The following TRIP13 variants were observed in gnomAD, a reference collection of about 807,000 sequenced individuals.
TRIP13 encodes pachytene checkpoint protein 2 homolog.
Under a neutral mutation model 54.4 loss-of-function variants are expected in TRIP13, and 25 were observed. That is an observed-to-expected ratio of 0.46 (90% CI 0.33 to 0.64). The LOEUF (loss-of-function observed/expected upper bound fraction) is 0.64, where lower values mean the gene tolerates loss of function less well. Ranked by LOEUF, TRIP13 falls within the 30% of genes least tolerant of loss-of-function variation. TRIP13 has a pLI of 0.02. For synonymous variants in TRIP13, 207 were observed against 207.8 expected, an observed-to-expected ratio of 1.00 and a Z score of 0.03; for missense variants, 373 against 534.2, an observed-to-expected ratio of 0.70 and a Z score of 2.97.
chr5:901,294 T>C, intron 4 of TRIP13, 47 bp from the exon 5 acceptor site: 1 of 1,584,876 alleles, frequency 6.3e-7, no homozygotes, highest in Non-Finnish European at 8.6e-7. Context: ...TTGGGGACCT[T>C]TGCCTTGTTG....
At position 907,056 on chromosome 5, in the gene TRIP13, G is replaced by T; in HGVS notation, c.609-74G>T. 1 of 1,275,514 alleles carries T rather than the reference G, an allele frequency of 7.8e-7. No individual in the cohort carries two copies. The highest frequency in any genetic ancestry group is 1.7e-5 in the Admixed American group (1 of 57,740). 79.0% of individuals were successfully genotyped at this position (1,275,514 alleles called of 1,614,324 possible). ...TGGGCACTTGAGATGTTGCATTCAG[G>T]ACGCGTGAATGGCTGCCGCTGAGGA... On this transcript the variant is annotated intron_variant, in intron 6 of 12. Coordinates refer to ENST00000166345, the MANE Select transcript of TRIP13 (RefSeq NM_004237.4). The surrounding 1 kb of genome is among the most constrained non-coding windows in gnomAD (Gnocchi z 4.1).
Position 913,599 on chromosome 5 carries a change from G to A in TRIP13, c.1021-866G>A, listed in dbSNP as rs1359359988. Among the ~76,000 whole-genome samples, 3 of 152,072 alleles carry A rather than the reference G, an allele frequency of 2.0e-5. No individual in the cohort carries two copies. The highest frequency in any genetic ancestry group is 4.8e-5 in the African/African-American group (2 of 41,408). On this transcript the variant is annotated intron_variant, in intron 10 of 12. Coordinates refer to ENST00000166345, the MANE Select transcript of TRIP13 (RefSeq NM_004237.4). This position sits in a 1 kb window ranked among gnomAD's most constrained non-coding sequence, Gnocchi z 4.5. ...TCAAACTCCTGACCTCAAGTGATCC[G>A]CCCACCTCAGCCTTCCAAAGTGCTG...
Position 917,237 on chromosome 5 carries a change from C to T in TRIP13, c.*134C>T. On this transcript the variant is annotated 3_prime_UTR_variant, in exon 13 of 13. Transcript: ENST00000166345. ...ACTTAGACTGCAAGCTAGAAAGCCA[C>T]CAAGGCCAGGCTTTGTTAAAAGAAG... is the stretch of plus-strand genomic sequence containing the variant. The T allele has an allele frequency of 4.1e-6, 3 of 734,444 alleles. No individual in the cohort carries two copies. The highest frequency in any genetic ancestry group is 6.6e-6 in the Non-Finnish European group (3 of 455,014). 45.5% of individuals were successfully genotyped at this position (734,444 alleles called of 1,614,324 possible).
chr5:915,771 C>T lies in TRIP13; in HGVS notation c.1134-133C>T, dbSNP rs111529489. On this transcript the variant is annotated intron_variant, in intron 11 of 12. Transcript: ENST00000166345. The surrounding 1 kb of genome is among the most constrained non-coding windows in gnomAD (Gnocchi z 4.2). ...GGAGACCAGTGAGGGGCAGGAAGTG[C>T]CCTGTGAACCCAGGGTGTGCTTGGG... 1.1e-5 allele frequency: 9 copies of T among 855,492 alleles called. No homozygotes were observed. Among genetic ancestry groups the T allele is most frequent in the African/African-American group, 6.6e-5 (4 of 60,748 alleles). The allele number at this position is 855,492 out of a possible 1,614,324, so 53.0% of individuals were successfully genotyped here. A position where few individuals can be genotyped will look rare whatever the true frequency, so the allele number is the denominator to read the frequency against.
chr5:904,069 A>G, intron 5 of TRIP13, 79 bp from the exon 6 acceptor site: 7 of 1,284,296 alleles, frequency 5.5e-6, no homozygotes, highest in Non-Finnish European at 7.7e-6. Context: ...TATTTTATGG[A>G]TAATGGAAGT....
rs767056773 is a variant in TRIP13, at chr5:917,086, C to T, written c.1282C>T (p.Leu428Phe). 6.2e-7 allele frequency: 1 copy of T among 1,614,080 alleles called. No homozygotes were observed. The highest frequency in any genetic ancestry group is 1.7e-5 in the Admixed American group (1 of 60,026). ...CAAGCAGTTTGAAGAGAGAAAGAAG[C>T]TTGCAGCTTACATCTGATCCTGGGC... ...VDKQFEERKK[L>F]AAYI is the part of the protein sequence containing the mutation. Residue 428 changes from leucine to phenylalanine, a missense_variant, in exon 13 of 13, where the codon CTT becomes TTT. Around this residue, in one of 4 missense-constraint regions of TRIP13, gnomAD observed 101 missense variants for 138.5 expected, o/e 0.73. Transcript: ENST00000166345.
chr5:896,655 C>T lies in TRIP13; in HGVS notation c.259-10C>T, dbSNP rs780223649. The T allele has an allele frequency of 3.8e-6, 6 of 1,598,618 alleles. No individual in the cohort carries two copies. Among genetic ancestry groups the T allele is most frequent in the Admixed American group, 3.4e-5 (2 of 58,730 alleles). ...AATGTGTGTCGATATTGGCTTTTCC[C>T]TCATTTTAGCCCATCGATTTGAGTG... On this transcript the variant is annotated splice_polypyrimidine_tract_variant and intron_variant, in intron 2 of 12. Coordinates refer to ENST00000166345, the MANE Select transcript of TRIP13 (RefSeq NM_004237.4).
Position 911,739 on chromosome 5 carries a change from CCTG to C in TRIP13, c.867-100_867-98del. The C allele has an allele frequency of 7.0e-7, 1 of 1,423,018 alleles. No individual in the cohort carries two copies. Among genetic ancestry groups the C allele is most frequent in the Non-Finnish European group, 9.4e-7 (1 of 1,068,230 alleles). The allele number at this position is 1,423,018 out of a possible 1,614,324, so 88.1% of individuals were successfully genotyped here. On this transcript the variant is annotated intron_variant, in intron 9 of 12. Transcript: ENST00000166345. The surrounding 1 kb of genome is among the most constrained non-coding windows in gnomAD (Gnocchi z 4.7). ...AGGCCACTTTCCTTCCTGTTGGCAG[CCTG>C]CTGGCCATCGTCCTGCCAACCTCCT...
intron 1 of TRIP13, 144 bp downstream of exon 1, chr5:893,234 A>T: frequency 1.2e-6 from 1 of 832,212 alleles, no homozygotes; most frequent in Non-Finnish European, 1.8e-6. Context: ...CCGGGCGCAC[A>T]GGCCGCCGGG....
Position 913,245 on chromosome 5 carries a change from AGT to A in TRIP13, c.1021-1216_1021-1215del, listed in dbSNP as rs549101241. Among the ~76,000 whole-genome samples the A allele has an allele frequency of 3.9e-4, 59 of 152,234 alleles. No homozygotes were observed. The highest frequency in any genetic ancestry group is 6.9e-4 in the Non-Finnish European group (47 of 68,034). Reference sequence around the variant, plus strand: ...CTTCAGTGTGGGTTCCAGCCCTCGCAGTGTGACGTTTATACACTTGTACACTC... The same window carrying A: ...CTTCAGTGTGGGTTCCAGCCCTCGCAGTGACGTTTATACACTTGTACACTC... On this transcript the variant is annotated intron_variant, in intron 10 of 12. Coordinates refer to ENST00000166345, the MANE Select transcript of TRIP13 (RefSeq NM_004237.4). This position sits in a 1 kb window ranked among gnomAD's most constrained non-coding sequence, Gnocchi z 4.5.
At chr5:904,692 G>C (rs896913299) in intron 6 of TRIP13, among the ~76,000 whole-genome samples, 3 of 150,626 alleles carry the variant, frequency 2.0e-5, no homozygotes, top group African/African-American at 7.3e-5. Flanking sequence ...TTTTTTTTCA[G>C]TTCTTTAGAA....
intron 12 of TRIP13, among the ~76,000 whole-genome samples, chr5:916,786 C>T (rs1233178909): frequency 2.0e-5 from 3 of 147,980 alleles, no homozygotes; most frequent in African/African-American, 7.9e-5. Context: ...CAGGACATGG[C>T]GGGGGCGGGG....
At chr5:904,317 A>G (rs1428829761) in intron 6 of TRIP13, 97 bp downstream of exon 6, 1 of 988,360 alleles carries the variant, frequency 1.0e-6, no homozygotes, top group African/African-American at 1.7e-5. Flanking sequence ...CGCAAATAAT[A>G]GATTCCTCTC....
intron 6 of TRIP13, among the ~76,000 whole-genome samples, chr5:904,662 C>T (rs758870341): frequency 1.3e-5 from 2 of 151,962 alleles, no homozygotes; most frequent in African/African-American, 4.8e-5. Context: ...TTCCACAGGC[C>T]ACTCCTGTGC....
chr5:894,638 C>A, intron 1 of TRIP13, 149 bp from the exon 2 acceptor site: 1 of 819,140 alleles, frequency 1.2e-6, no homozygotes. Flanking sequence ...AGGGGTGGCT[C>A]TAGATTTGGT....
In TRIP13 at chr5:896,799, G is replaced by C; in HGVS notation, c.388+5G>C. The C allele has an allele frequency of 6.2e-7, 1 of 1,612,552 alleles. No individual in the cohort carries two copies. The highest frequency in any genetic ancestry group is 8.5e-7 in the Non-Finnish European group (1 of 1,179,102). On this transcript the variant is annotated splice_donor_5th_base_variant and intron_variant, in intron 3 of 12. Coordinates refer to ENST00000166345, the MANE Select transcript of TRIP13 (RefSeq NM_004237.4). ...ATCACTGGGTTCTACCTGCAGGTAT[G>C]GGGTGTGATGGGAGTTGAAGGGGAG...
At chr5:903,248 C>G (rs550797751) in intron 5 of TRIP13, among the ~76,000 whole-genome samples, 175 of 152,258 alleles carry the variant, frequency 1.1e-3, no homozygotes, top group Non-Finnish European at 2.0e-3. Context: ...TTCCCAGACG[C>G]TGGCATTACT....
rs1679737309 is a variant in TRIP13 at position 913,960 on chromosome 5, G to C, written c.1021-505G>C. Among the ~76,000 whole-genome samples the C allele has an allele frequency of 6.6e-6, 1 of 152,142 alleles. No homozygotes were observed. On this transcript the variant is annotated intron_variant, in intron 10 of 12. Transcript: ENST00000166345. The surrounding 1 kb of genome is among the most constrained non-coding windows in gnomAD (Gnocchi z 4.5). ...CTTCCAGACAAATGATCTCTGAGGGGAACTTCTGGTGCTCAGCTCCTCGGT... is the reference window on the plus strand; with the variant it reads ...CTTCCAGACAAATGATCTCTGAGGGCAACTTCTGGTGCTCAGCTCCTCGGT...
downstream of TRIP13, chr5:919,118 A>C (rs1754384654): frequency 6.6e-6 from 1 of 152,250 alleles, no homozygotes. Flanking sequence ...ATAGCTTGGA[A>C]GGCATGACAG....
Sources: allele counts gnomAD v4.1 joint callset (sites outside exome capture counted in the v4.1 genomes callset), GRCh38; gene constraint gnomAD v4.1.1; regional missense constraint gnomAD v4.1.1; non-coding constraint Gnocchi (gnomAD v3.1); transcripts MANE v1.5; gene names NCBI Gene and HGNC (gene_info 2026-07-23, HGNC 2026-07-21).